The following SGCZ variants were observed in gnomAD, a reference collection of about 807,000 sequenced individuals.
The protein encoded by SGCZ is zeta-sarcoglycan.
Under a neutral mutation model 41.3 loss-of-function variants are expected in SGCZ, and 40 were observed. The observed-to-expected ratio is 0.97, with a 90% confidence interval of 0.75 to 1.26. The LOEUF is 1.26. Ranked by LOEUF, SGCZ falls within the 50% of genes most tolerant of loss-of-function variation. The probability of loss-of-function intolerance (pLI) is 0.00; values close to 1 mark genes in which losing one functional copy is unlikely to be tolerated. For synonymous variants in SGCZ, 206 were observed against 137.5 expected (o/e 1.50, Z -3.49); for missense variants, 552 against 369.8 (o/e 1.49, Z -4.04).
chr8:14,961,705 G>A (rs1031148870), intron 1 of SGCZ, among the ~76,000 whole-genome samples: 16 of 152,082 alleles, frequency 1.1e-4, no homozygotes, highest in Admixed American at 3.9e-4. Flanking sequence ...TGATGGATAA[G>A]GAGGAACTAC....
chr8:14,154,972 C>G (rs1172548197), intron 5 of SGCZ, among the ~76,000 whole-genome samples: 1 of 152,176 alleles, frequency 6.6e-6, no homozygotes, highest in Non-Finnish European at 1.5e-5. Context: ...TCAGCTACCT[C>G]CACTGAAGGC....
At position 15,016,622 on chromosome 8, in the gene SGCZ, A is replaced by C. The variant is rs974358040; in HGVS notation, c.39+220963T>G. ...TACTAGGTTAAGAGCATAGTGCCTC[A>C]CAAGTTGCTTTACAGAATCTTGCCC... is the stretch of plus-strand genomic sequence containing the variant. On this transcript the variant is annotated intron_variant, in intron 1 of 7. Coordinates refer to ENST00000382080, the MANE Select transcript of SGCZ (RefSeq NM_139167.4). 3.9e-5 allele frequency among the ~76,000 whole-genome samples: 6 copies of C among 152,202 alleles called. No individual in the cohort carries two copies. In the South Asian group the frequency reaches 1.0e-3, roughly 26 times the overall value.
chr8:14,837,980 A>G (rs1324955122), intron 1 of SGCZ, among the ~76,000 whole-genome samples: 1 of 152,156 alleles, frequency 6.6e-6, no homozygotes, highest in African/African-American at 2.4e-5. Context: ...ATGTAGTTAG[A>G]TATACACAAT....
rs1241417381 is a variant in SGCZ at position 14,369,472 on chromosome 8, C to A, written c.235-45268G>T. ...TCCCAGTGCATCATAGCTAGAGGCA[C>A]TCAATGGCAGTTTATCCCATTAATG... On this transcript the variant is annotated intron_variant, in intron 2 of 7. Coordinates refer to ENST00000382080, the MANE Select transcript of SGCZ (RefSeq NM_139167.4). Among the ~76,000 whole-genome samples the A allele has an allele frequency of 3.9e-5, 6 of 152,060 alleles. No homozygotes were observed. In the East Asian group the frequency reaches 9.7e-4, roughly 24 times the overall value.
intron 1 of SGCZ, among the ~76,000 whole-genome samples, chr8:14,624,555 A>ATTATTATTTTTTTTT (rs1438250019): frequency 8.3e-5 from 8 of 96,244 alleles, no homozygotes; most frequent in African/African-American, 2.4e-4. Flanking sequence ...TATTATTATT[A>ATTATTATTTTTTTTT]TTTTTTTTTT....
In SGCZ at chr8:14,625,545, C is replaced by T. The variant is rs189347983; in HGVS notation, c.40-70619G>A. ...GATTTCATACCTAGAGGACATTTAT[C>T]AATATCTGAACATTATTTCAAAAGT... On this transcript the variant is annotated intron_variant, in intron 1 of 7. Transcript: ENST00000382080. Among the ~76,000 whole-genome samples the T allele has an allele frequency of 1.8e-3, 277 of 152,228 alleles. 2 individuals carry two copies. The highest frequency in any genetic ancestry group is 6.4e-3 in the African/African-American group (267 of 41,558).
At chr8:14,140,450 C>G (rs1803334371) in intron 5 of SGCZ, among the ~76,000 whole-genome samples, 1 of 152,112 alleles carries the variant, frequency 6.6e-6, no homozygotes. Context: ...TCTCCTTAAG[C>G]TGATAAGCAA....
intron 1 of SGCZ, among the ~76,000 whole-genome samples, chr8:14,605,686 A>C (rs997176188): frequency 1.3e-5 from 2 of 152,186 alleles, no homozygotes; most frequent in African/African-American, 4.8e-5. Context: ...ATGAAAGGGA[A>C]ACCATCACAG....
At chr8:14,510,736 C>A (rs1446214885) in intron 2 of SGCZ, among the ~76,000 whole-genome samples, 1 of 152,168 alleles carries the variant, frequency 6.6e-6, no homozygotes, top group Non-Finnish European at 1.5e-5. Flanking sequence ...CTTCCCTTGC[C>A]TCAGAACATT....
intron 1 of SGCZ, among the ~76,000 whole-genome samples, chr8:15,168,995 G>C (rs2117058214): frequency 6.6e-6 from 1 of 152,300 alleles, no homozygotes; most frequent in East Asian, 1.9e-4. Context: ...TTTATGAGCT[G>C]TCTTTACCCC....
At chr8:14,428,234 G>A (rs979321188) in intron 2 of SGCZ, among the ~76,000 whole-genome samples, 1 of 151,190 alleles carries the variant, frequency 6.6e-6, no homozygotes, top group East Asian at 1.9e-4. Flanking sequence ...CTATTCATAT[G>A]TAAACCTATA....
chr8:14,982,422 A>G (rs955940391), intron 1 of SGCZ, among the ~76,000 whole-genome samples: 2 of 152,198 alleles, frequency 1.3e-5, no homozygotes, highest in Admixed American at 1.3e-4. Context: ...GAAAAATGAG[A>G]TAACATATTT....
chr8:14,378,816 A>T (rs967172852), intron 2 of SGCZ, among the ~76,000 whole-genome samples: 10 of 152,280 alleles, frequency 6.6e-5, no homozygotes, highest in African/African-American at 2.4e-4. Context: ...GAATTGGTTG[A>T]TGTGGGAATA....
Position 14,487,578 on chromosome 8 carries a change from T to C in SGCZ, c.234+67154A>G, listed in dbSNP as rs541506793. Among the ~76,000 whole-genome samples, 4 of 113,994 alleles carry C rather than the reference T, an allele frequency of 3.5e-5. No homozygotes were observed. In the South Asian group the frequency reaches 1.2e-3, roughly 34 times the overall value. The allele number at this position is 113,994 out of a possible 152,430, so 74.8% of individuals were successfully genotyped here. The stretch of plus-strand genomic sequence containing the variant: ...TTCTTCTGTTTAGTGATAATTTATT[T>C]CAATTATGTTTCTTAGGGGTAAAAT... On this transcript the variant is annotated intron_variant, in intron 2 of 7. Coordinates refer to ENST00000382080, the MANE Select transcript of SGCZ (RefSeq NM_139167.4).
intron 1 of SGCZ, among the ~76,000 whole-genome samples, chr8:14,845,336 A>G (rs1489498616): frequency 6.6e-6 from 1 of 152,240 alleles, no homozygotes; most frequent in East Asian, 1.9e-4. Flanking sequence ...CAAAATTGAA[A>G]TAACAATGTT....
intron 1 of SGCZ, among the ~76,000 whole-genome samples, chr8:14,824,990 A>C (rs938541608): frequency 1.3e-5 from 2 of 152,076 alleles, no homozygotes; most frequent in Non-Finnish European, 2.9e-5. Context: ...ACATATCCCT[A>C]AATTAGCAGA....
intron 1 of SGCZ, among the ~76,000 whole-genome samples, chr8:15,004,413 TG>T (rs933167883): frequency 1.3e-5 from 2 of 151,728 alleles, no homozygotes; most frequent in Non-Finnish European, 1.5e-5. Flanking sequence ...AAGGCAGAAG[TG>T]GGAAAATTAG....
At chr8:14,096,370 T>C (rs1801845237) in intron 7 of SGCZ, among the ~76,000 whole-genome samples, 1 of 152,128 alleles carries the variant, frequency 6.6e-6, no homozygotes, top group Admixed American at 6.6e-5. Flanking sequence ...ACAGAACCAA[T>C]GACAAAAACC....
chr8:14,418,637 G>A (rs1205046913), intron 2 of SGCZ, among the ~76,000 whole-genome samples: 1 of 151,628 alleles, frequency 6.6e-6, no homozygotes, highest in Non-Finnish European at 1.5e-5. Context: ...TCAACAACAA[G>A]GTAAATACAG....
Sources: gnomAD v4.1 joint callset for allele counts (sites outside exome capture counted in the v4.1 genomes callset) on GRCh38, gnomAD v4.1.1 for gene constraint, MANE v1.5 for transcripts, NCBI Gene and HGNC (gene_info 2026-07-23, HGNC 2026-07-21) for gene names.